The following TMEM63B variants were observed in gnomAD, a reference collection of about 807,000 sequenced individuals.
TMEM63B encodes the protein transmembrane protein 63B.
TMEM63B carries 23 observed loss-of-function variants against 102.6 expected under a neutral mutation model. That is an observed-to-expected ratio of 0.22 (90% CI 0.16 to 0.32). TMEM63B has a LOEUF of 0.32. TMEM63B is among the 10% of genes least tolerant of loss of function. TMEM63B has a pLI of 1.00. For synonymous variants in TMEM63B, 444 were observed against 437.0 expected (o/e 1.02, Z -0.20); for missense variants, 628 against 1,095.9 (o/e 0.57, Z 6.03).
Position 44,148,831 on chromosome 6 carries a change from C to T in TMEM63B, c.1299C>T (p.Arg433=), listed in dbSNP as rs1765959603. ...TCCGAGGCTTCATCTGGTGGCTGCG[C>T]TGCCTGGTCATCAATGTCGTCCTCT... ...LSIRGFIWWL[R]CLVINVVLFI... The change falls in exon 15 of 24, where the codon CGC becomes CGT. Residue 433 remains arginine, a synonymous_variant. Coordinates refer to ENST00000323267, the MANE Select transcript of TMEM63B (RefSeq NM_018426.3). The surrounding 1 kb of genome is among the most constrained non-coding windows in gnomAD (Gnocchi z 5.1). 6.2e-7 allele frequency: 1 copy of T among 1,614,194 alleles called. No homozygotes were observed. Among genetic ancestry groups the T allele is most frequent in the African/African-American group, 1.3e-5 (1 of 75,040 alleles).
Position 44,150,007 on chromosome 6 carries a change from C to A in TMEM63B, c.1520+42C>A. ...CACACCACACCTCGCTGTGGCCTGCCCTCAATGACCCATCCTCTCTGGGCA... is the reference window on the plus strand; with the variant it reads ...CACACCACACCTCGCTGTGGCCTGCACTCAATGACCCATCCTCTCTGGGCA... On this transcript the variant is annotated intron_variant, in intron 16 of 23. Coordinates refer to ENST00000323267, the MANE Select transcript of TMEM63B (RefSeq NM_018426.3). The surrounding 1 kb of genome is among the most constrained non-coding windows in gnomAD (Gnocchi z 4.7). 6.4e-7 allele frequency: 1 copy of A among 1,564,884 alleles called. No homozygotes were observed. Among genetic ancestry groups the A allele is most frequent in the Non-Finnish European group, 8.7e-7 (1 of 1,142,898 alleles).
chr6:44,150,145 G>A lies in TMEM63B; in HGVS notation c.1521-79G>A, dbSNP rs1171830448. 2.0e-6 allele frequency: 3 copies of A among 1,474,608 alleles called. No homozygotes were observed. The highest frequency in any genetic ancestry group is 2.8e-6 in the Non-Finnish European group (3 of 1,063,032). The allele number at this position is 1,474,608 out of a possible 1,614,324, so 91.3% of individuals were successfully genotyped here. Reference sequence around the variant, plus strand: ...CACCCTTCCCAGGGGACACTCCTTGGACATTGTCCTTGTTGGGGGAGCAAG... The same window carrying A: ...CACCCTTCCCAGGGGACACTCCTTGAACATTGTCCTTGTTGGGGGAGCAAG... On this transcript the variant is annotated intron_variant, in intron 16 of 23. Coordinates refer to ENST00000323267, the MANE Select transcript of TMEM63B (RefSeq NM_018426.3). This position sits in a 1 kb window ranked among gnomAD's most constrained non-coding sequence, Gnocchi z 4.7.
intron 1 of TMEM63B, among the ~76,000 whole-genome samples, chr6:44,129,963 G>A (rs1200212071): frequency 1.3e-5 from 2 of 152,162 alleles, no homozygotes; most frequent in Non-Finnish European, 2.9e-5. Flanking sequence ...AGCCTGGTCT[G>A]TCACATCCTA....
At chr6:44,137,959 A>G (rs1437570073) in intron 5 of TMEM63B, among the ~76,000 whole-genome samples, 1 of 152,006 alleles carries the variant, frequency 6.6e-6, no homozygotes, top group African/African-American at 2.4e-5. Context: ...CTTGGCCTCC[A>G]AAAGTGCTGG....
At position 44,148,958 on chromosome 6, in the gene TMEM63B, G is replaced by A. The variant is rs746856347; in HGVS notation, c.1413+13G>A. On this transcript the variant is annotated intron_variant, in intron 15 of 23. Coordinates refer to ENST00000323267, the MANE Select transcript of TMEM63B (RefSeq NM_018426.3). The surrounding 1 kb of genome is among the most constrained non-coding windows in gnomAD (Gnocchi z 5.1). ...GGAGTACCTCAACGTGAGGCCTCAT[G>A]CCCCTGTCACTTTCCACGCTGGGTC... 2 of 1,613,968 alleles carry A rather than the reference G, an allele frequency of 1.2e-6. No individual in the cohort carries two copies. The highest frequency in any genetic ancestry group is 2.2e-5 in the South Asian group (2 of 91,076).
chr6:44,130,090 G>A (rs1777978370), intron 1 of TMEM63B, among the ~76,000 whole-genome samples: 1 of 152,218 alleles, frequency 6.6e-6, no homozygotes, highest in Non-Finnish European at 1.5e-5. Context: ...GGAAAGGCAA[G>A]CAGGTAGAAA....
intron 1 of TMEM63B, among the ~76,000 whole-genome samples, chr6:44,130,825 G>A (rs58987417): frequency 0.059 from 8,688 of 148,508 alleles, 347 homozygotes; most frequent in Admixed American, 0.12. Context: ...GATCATGGCT[G>A]ACTGCAGCCT....
Position 44,136,438 on chromosome 6 carries a change from A to G in TMEM63B, c.368A>G (p.Asn123Ser). 1 of 1,613,176 alleles carries G rather than the reference A, an allele frequency of 6.2e-7. No individual in the cohort carries two copies. Among genetic ancestry groups the G allele is most frequent in the Non-Finnish European group, 8.5e-7 (1 of 1,179,450 alleles). Residue 123 changes from asparagine (N) to serine (S), a missense_variant and splice_region_variant, in exon 5 of 24, where the codon AAT (asparagine) becomes AGT (serine). By Grantham distance (46) the Asn-to-Ser change is conservative (BLOSUM62 1). Around this residue, in one of 6 missense-constraint regions of TMEM63B, gnomAD observed 336 missense variants for 580.3 expected, o/e 0.58. Coordinates refer to ENST00000323267, the MANE Select transcript of TMEM63B (RefSeq NM_018426.3). ...SSSVDFDQRD[N>S]GFCSWLTAIF... ...TCCGTTGACTTTGACCAAAGGGACA[A>G]TGTGAGTGCCCTCCCCCCAAACTTC...
In TMEM63B at chr6:44,139,470, T is replaced by A. The variant is rs1424634904; in HGVS notation, c.411T>A (p.Asp137Glu). 1 of 1,614,162 alleles carries A rather than the reference T, an allele frequency of 6.2e-7. No homozygotes were observed. The highest frequency in any genetic ancestry group is 1.1e-5 in the South Asian group (1 of 91,086). Residue 137 changes from aspartate to glutamate, a missense_variant, in exon 7 of 24, where the codon GAT becomes GAA. Coordinates refer to ENST00000323267, the MANE Select transcript of TMEM63B (RefSeq NM_018426.3). ...TGTCCAACCCGTATGGCTGCAGGGATGATGAGATCCGGGACAAATGTGGGG... is the reference window on the plus strand; with the variant it reads ...TGTCCAACCCGTATGGCTGCAGGGAAGATGAGATCCGGGACAAATGTGGGG... ...SWLTAIFRIK[D>E]DEIRDKCGGD...
chr6:44,140,407 C>T, intron 9 of TMEM63B, 47 bp downstream of exon 9: 1 of 1,486,456 alleles, frequency 6.7e-7, no homozygotes, highest in Non-Finnish European at 9.3e-7. Flanking sequence ...AGCCTCTTCC[C>T]TTCCCTTCCC....
intron 1 of TMEM63B, 73 bp downstream of exon 1, chr6:44,127,751 G>A (rs903381150): frequency 6.6e-6 from 1 of 151,662 alleles, no homozygotes; most frequent in Non-Finnish European, 1.5e-5. Context: ...GAAAAAACCT[G>A]GACTCAGCTG....
chr6:44,150,129 C>T lies in TMEM63B; in HGVS notation c.1521-95C>T, dbSNP rs1766291135. The T allele has an allele frequency of 7.1e-7, 1 of 1,407,218 alleles. No homozygotes were observed. Among genetic ancestry groups the T allele is most frequent in the South Asian group, 1.2e-5 (1 of 84,034 alleles). The allele number at this position is 1,407,218 out of a possible 1,614,324, so 87.2% of individuals were successfully genotyped here. A position where few individuals can be genotyped will look rare whatever the true frequency, so the allele number is the denominator to read the frequency against. ...CTCACCTTGGGAGGCCCACCCTTCC[C>T]AGGGGACACTCCTTGGACATTGTCC... is the stretch of plus-strand genomic sequence containing the variant. On this transcript the variant is annotated intron_variant, in intron 16 of 23. Coordinates refer to ENST00000323267, the MANE Select transcript of TMEM63B (RefSeq NM_018426.3). The surrounding 1 kb of genome is among the most constrained non-coding windows in gnomAD (Gnocchi z 4.7).
At position 44,141,164 on chromosome 6, in the gene TMEM63B, T is replaced by G; in HGVS notation, c.782+66T>G. The G allele has an allele frequency of 2.0e-6, 3 of 1,498,866 alleles. No individual in the cohort carries two copies. The South Asian group carries it at 3.4e-5, about 17-fold the overall frequency. The allele number at this position is 1,498,866 out of a possible 1,614,324, so 92.8% of individuals were successfully genotyped here. A position where few individuals can be genotyped will look rare whatever the true frequency, so the allele number is the denominator to read the frequency against. On this transcript the variant is annotated intron_variant, in intron 10 of 23. Transcript: ENST00000323267. Reference sequence around the variant, plus strand: ...CAGAGCCTTCTCTGCCTTTGAACTCTAAGAACATCCTTATACCCTAGCCTG... The same window carrying G: ...CAGAGCCTTCTCTGCCTTTGAACTCGAAGAACATCCTTATACCCTAGCCTG...
rs1375331311 is a variant in TMEM63B, at chr6:44,155,487, T to C, written c.*604T>C. The C allele has an allele frequency of 1.3e-5, 2 of 151,902 alleles. No individual in the cohort carries two copies. The highest frequency in any genetic ancestry group is 2.9e-5 in the Non-Finnish European group (2 of 67,960). The allele number at this position is 151,902 out of a possible 1,614,324, so 9.4% of individuals were successfully genotyped here. ...GGTTTTTTTGTTCTTTTTTGTTTTT[T>C]TCCTTTAAAATAAAAACAAAGAAAA... is the stretch of plus-strand genomic sequence containing the variant. On this transcript the variant is annotated 3_prime_UTR_variant, in exon 24 of 24. Coordinates refer to ENST00000323267, the MANE Select transcript of TMEM63B (RefSeq NM_018426.3).
In TMEM63B at chr6:44,152,529, C is replaced by A. The variant is rs557292333; in HGVS notation, c.1837-64C>A. On this transcript the variant is annotated intron_variant, in intron 19 of 23. Coordinates refer to ENST00000323267, the MANE Select transcript of TMEM63B (RefSeq NM_018426.3). The surrounding 1 kb of genome is among the most constrained non-coding windows in gnomAD (Gnocchi z 6.4). Reference sequence around the variant, plus strand: ...GTCCTGGCTCCCTTCCCCCTCCCTCCTTCCCTGCCCCTCTGGTCAGTCCCT... The same window carrying A: ...GTCCTGGCTCCCTTCCCCCTCCCTCATTCCCTGCCCCTCTGGTCAGTCCCT... 2.9e-4 allele frequency: 364 copies of A among 1,270,444 alleles called. 7 individuals are homozygous for A. The South Asian group carries it at 4.1e-3, about 14-fold the overall frequency. The allele number at this position is 1,270,444 out of a possible 1,614,324, so 78.7% of individuals were successfully genotyped here. A position where few individuals can be genotyped will look rare whatever the true frequency, so the allele number is the denominator to read the frequency against.
At chr6:44,131,430 A>C (rs1317603841) in intron 1 of TMEM63B, among the ~76,000 whole-genome samples, 1 of 152,086 alleles carries the variant, frequency 6.6e-6, no homozygotes, top group East Asian at 1.9e-4. Context: ...AATCTTGCCC[A>C]GTAACTCCAC....
At position 44,139,458 on chromosome 6, in the gene TMEM63B, T is replaced by C. The variant is rs199973630; in HGVS notation, c.408-9T>C. On this transcript the variant is annotated splice_polypyrimidine_tract_variant and intron_variant, in intron 6 of 23. Transcript: ENST00000323267. Reference sequence around the variant, plus strand: ...ACCTAATTCCTTTGTCCAACCCGTATGGCTGCAGGGATGATGAGATCCGGG... The same window carrying C: ...ACCTAATTCCTTTGTCCAACCCGTACGGCTGCAGGGATGATGAGATCCGGG... 188 of 1,614,098 alleles carry C rather than the reference T, an allele frequency of 1.2e-4. No homozygotes were observed. The highest frequency in any genetic ancestry group is 3.3e-4 in the Middle Eastern group (2 of 6,062).
intron 1 of TMEM63B, among the ~76,000 whole-genome samples, chr6:44,131,452 A>G (rs374945937): frequency 2.0e-5 from 3 of 152,084 alleles, no homozygotes; most frequent in East Asian, 1.9e-4. Context: ...GAAAAAGCTT[A>G]TATCACTCCT....
At chr6:44,138,572 T>C (rs1582782041) in intron 6 of TMEM63B, 55 bp downstream of exon 6, 1 of 1,609,376 alleles carries the variant, frequency 6.2e-7, no homozygotes, top group East Asian at 2.2e-5. Context: ...GAACCTGGCA[T>C]CTCCCTACAA....
Sources: gnomAD v4.1 joint callset for allele counts (sites outside exome capture counted in the v4.1 genomes callset) on GRCh38, gnomAD v4.1.1 for gene constraint, gnomAD v4.1.1 regional missense constraint, Gnocchi (gnomAD v3.1) non-coding constraint, MANE v1.5 for transcripts, NCBI Gene and HGNC (gene_info 2026-07-23, HGNC 2026-07-21) for gene names.